ZBBX: variants seen among roughly 807,000 people sequenced by gnomAD.
ZBBX encodes the protein zinc finger B-box domain-containing protein 1.
A neutral mutation model predicts 108.5 loss-of-function variants in ZBBX; 101 were observed. That is an observed-to-expected ratio of 0.93 (90% CI 0.79 to 1.10). The LOEUF (loss-of-function observed/expected upper bound fraction) is 1.10, where lower values mean the gene tolerates loss of function less well. Among genes scored for constraint, ZBBX ranks in the 50% least tolerant of loss-of-function variants. ZBBX has a pLI of 0.00. For synonymous variants in ZBBX, 356 were observed against 323.4 expected (o/e 1.10, Z -1.08); for missense variants, 1,009 against 941.4 (o/e 1.07, Z -0.94).
the ZBBX span, among the ~76,000 whole-genome samples, chr3:167,213,728 A>G: frequency 5.3e-5 from 8 of 152,244 alleles, no homozygotes; most frequent in South Asian, 1.7e-3. Context: ...CCCAAGACAC[A>G]TAATGAGATT....
At chr3:167,339,058 A>AT (rs1577037880) in intron 9 of ZBBX, among the ~76,000 whole-genome samples, 1 of 152,130 alleles carries the variant, frequency 6.6e-6, no homozygotes, top group Non-Finnish European at 1.5e-5. Flanking sequence ...TTTGATGTGA[A>AT]TTACCTCATA....
In ZBBX at chr3:167,317,374, G is replaced by A. The variant is rs1031840765; in HGVS notation, c.1093+114C>T. On this transcript the variant is annotated intron_variant, in intron 13 of 21. Transcript: ENST00000675490. Reference sequence around the variant, plus strand: ...TTCATCTAAAGAGAAAAGATTACATGGTACAACTGAGAATAATATATTAAA... The same window carrying A: ...TTCATCTAAAGAGAAAAGATTACATAGTACAACTGAGAATAATATATTAAA... 8.0e-6 allele frequency: 6 copies of A among 748,046 alleles called. No individual in the cohort carries two copies. In the African/African-American group the frequency reaches 9.1e-5, roughly 11 times the overall value. 46.3% of individuals were successfully genotyped at this position (748,046 alleles called of 1,614,324 possible). A position where few individuals can be genotyped will look rare whatever the true frequency, so the allele number is the denominator to read the frequency against.
intron 1 of ZBBX, among the ~76,000 whole-genome samples, chr3:167,403,152 C>T (rs1748476850): frequency 6.6e-6 from 1 of 152,012 alleles, no homozygotes; most frequent in Non-Finnish European, 1.5e-5. Context: ...ATATAATTGT[C>T]AAACTGAAAT....
At chr3:167,190,764 C>A in the ZBBX span, among the ~76,000 whole-genome samples, 1 of 152,180 alleles carries the variant, frequency 6.6e-6, no homozygotes, top group South Asian at 2.1e-4. Context: ...CAGGACCATT[C>A]ACTGAAATTC....
chr3:167,399,892 C>G (rs1560217287), intron 1 of ZBBX, among the ~76,000 whole-genome samples: 1 of 152,038 alleles, frequency 6.6e-6, no homozygotes, highest in Non-Finnish European at 1.5e-5. Context: ...TCCTCAGCAT[C>G]TACTGTTCCT....
At chr3:167,231,348 A>C in the ZBBX span, among the ~76,000 whole-genome samples, 112 of 151,962 alleles carry the variant, frequency 7.4e-4, no homozygotes, top group African/African-American at 2.6e-3. Flanking sequence ...GTGAAATAAA[A>C]GCAAAATCAT....
chr3:167,283,155 G>T (rs568932651), intron 19 of ZBBX, among the ~76,000 whole-genome samples: 3 of 152,052 alleles, frequency 2.0e-5, no homozygotes, highest in Non-Finnish European at 4.4e-5. Flanking sequence ...TAGGACAGTC[G>T]CTACTTTGTC....
chr3:167,263,106 C>T (rs1312872049), intron 20 of ZBBX, among the ~76,000 whole-genome samples: 1 of 138,080 alleles, frequency 7.2e-6, no homozygotes, highest in African/African-American at 2.7e-5. Flanking sequence ...GATGTAATCT[C>T]AGCTCACTGC....
chr3:167,242,799 G>A (rs78926283), intron 20 of ZBBX, among the ~76,000 whole-genome samples, 156 bp from the exon 21 acceptor site: 1 of 152,082 alleles, frequency 6.6e-6, no homozygotes, highest in Non-Finnish European at 1.5e-5. Flanking sequence ...TGTTTGTGAG[G>A]TAAGTTTGAT....
chr3:167,329,421 A>G (rs540573760), intron 10 of ZBBX, among the ~76,000 whole-genome samples: 1 of 152,356 alleles, frequency 6.6e-6, no homozygotes, highest in African/African-American at 2.4e-5. Flanking sequence ...GACGTATATA[A>G]GAAATTTTAA....
intron 1 of ZBBX, among the ~76,000 whole-genome samples, chr3:167,390,147 G>A (rs1490155712): frequency 7.9e-5 from 12 of 152,100 alleles, no homozygotes; most frequent in Admixed American, 7.9e-4. Context: ...TATATAAGGT[G>A]TAAGGAAAGG....
chr3:167,185,418 T>C, the ZBBX span, among the ~76,000 whole-genome samples: 1 of 152,164 alleles, frequency 6.6e-6, no homozygotes, highest in South Asian at 2.1e-4. Context: ...ACTTTTGTGA[T>C]ATTTCATTCT....
At chr3:167,330,802 GAA>G (rs1354564042) in intron 10 of ZBBX, among the ~76,000 whole-genome samples, 18 of 148,908 alleles carry the variant, frequency 1.2e-4, no homozygotes, top group East Asian at 4.0e-4. Context: ...AGAAGAAGAA[GAA>G]GAAGGAGGAG....
chr3:167,239,128 G>T (rs959354075), downstream of ZBBX, among the ~76,000 whole-genome samples: 1 of 152,088 alleles, frequency 6.6e-6, no homozygotes, highest in Non-Finnish European at 1.5e-5. Flanking sequence ...ACCCAGGGAA[G>T]ATATGATACT....
chr3:167,388,992 G>C (rs1208711362), intron 1 of ZBBX, among the ~76,000 whole-genome samples: 1 of 151,502 alleles, frequency 6.6e-6, no homozygotes, highest in Non-Finnish European at 1.5e-5. Context: ...TTATGTTCTG[G>C]AATACATGTG....
At chr3:167,194,229 A>AATAAATATATATATAT in the ZBBX span, among the ~76,000 whole-genome samples, 2 of 139,820 alleles carry the variant, frequency 1.4e-5, no homozygotes, top group African/African-American at 2.6e-5. Context: ...ATATGTACTA[A>AATAAATATATATATAT]ATATATATAT....
the ZBBX span, among the ~76,000 whole-genome samples, chr3:167,183,001 G>A: frequency 7.9e-4 from 121 of 152,208 alleles, 3 homozygotes; most frequent in South Asian, 0.024. Flanking sequence ...CGCTCTAGGC[G>A]CTGCCCAAAC....
the ZBBX span, among the ~76,000 whole-genome samples, chr3:167,191,796 C>T: frequency 9.3e-5 from 14 of 151,002 alleles, no homozygotes; most frequent in South Asian, 2.1e-4. Flanking sequence ...CCTCATTTTT[C>T]TCTCCTCAAG....
At chr3:167,256,825 T>C (rs1723608470) in intron 20 of ZBBX, among the ~76,000 whole-genome samples, 2 of 152,144 alleles carry the variant, frequency 1.3e-5, no homozygotes, top group Non-Finnish European at 2.9e-5. Context: ...TATGGCTGAA[T>C]GGTACTCCAT....
Sources: gnomAD v4.1 joint callset for allele counts (sites outside exome capture counted in the v4.1 genomes callset) on GRCh38, gnomAD v4.1.1 for gene constraint, MANE v1.5 for transcripts, NCBI Gene and HGNC (gene_info 2026-07-23, HGNC 2026-07-21) for gene names.